KIRREL2: variants seen among roughly 807,000 people sequenced by gnomAD.
KIRREL2 encodes the protein kin of IRRE-like protein 2.
In KIRREL2, 56 loss-of-function variants were observed where a neutral mutation model predicts 73.4. The observed-to-expected ratio is 0.76, with a 90% confidence interval of 0.62 to 0.95. KIRREL2 has a LOEUF of 0.95. Among genes scored for constraint, KIRREL2 ranks in the 40% least tolerant of loss-of-function variants. The probability of loss-of-function intolerance (pLI) is 0.00; values close to 1 mark genes in which losing one functional copy is unlikely to be tolerated. For missense variants in KIRREL2, 896 were observed against 935.0 expected (o/e 0.96, Z 0.54); for synonymous variants, 407 against 404.0 (o/e 1.01, Z -0.09).
intron 2 of KIRREL2, 43 bp from the exon 3 acceptor site, chr19:35,858,365 T>C (rs1032238767): frequency 6.3e-7 from 1 of 1,595,446 alleles, no homozygotes. Context: ...GAGGCCAGGA[T>C]TTCAGAACCA....
rs1973621463 is a variant in KIRREL2, at chr19:35,860,549, G to A, written c.810G>A (p.Gly270=). The part of the protein sequence containing the change: ...RWAKGGSPVL[G]ARGPRLEVVA... ...CAAAAGGGGGCTCTCCGGTGCTCGG[G>A]GCCCGCGGGCCAAGGTTAGAGGTCG... Residue 270 remains glycine (G), a synonymous_variant, in exon 7 of 15, where the codon GGG becomes GGA. Coordinates refer to ENST00000360202, the MANE Select transcript of KIRREL2 (RefSeq NM_199180.4). 6.2e-7 allele frequency: 1 copy of A among 1,603,070 alleles called. No homozygotes were observed. The highest frequency in any genetic ancestry group is 1.3e-5 in the African/African-American group (1 of 74,922).
chr19:35,856,947 G>A lies in KIRREL2; in HGVS notation c.-173G>A. The A allele has an allele frequency of 1.4e-6, 1 of 728,170 alleles. No homozygotes were observed. The highest frequency in any genetic ancestry group is 2.5e-6 in the Non-Finnish European group (1 of 404,926). The allele number at this position is 728,170 out of a possible 1,614,324, so 45.1% of individuals were successfully genotyped here. A position where few individuals can be genotyped will look rare whatever the true frequency, so the allele number is the denominator to read the frequency against. On this transcript the variant is annotated 5_prime_UTR_variant, in exon 1 of 15. Coordinates refer to ENST00000360202, the MANE Select transcript of KIRREL2 (RefSeq NM_199180.4). The surrounding 1 kb of genome is among the most constrained non-coding windows in gnomAD (Gnocchi z 5.9). ...CCGCGGAACTGGCAGGCGTTTCAGA[G>A]CGTCAGAGGCTGCGGATGAGCAGAC...
chr19:35,852,598 C>T (rs73928332), upstream of KIRREL2, among the ~76,000 whole-genome samples: 13,311 of 151,990 alleles, frequency 0.088, 1,134 homozygotes, highest in African/African-American at 0.23. Flanking sequence ...AGCATAAAAT[C>T]CCCTGTCAGC....
intron 13 of KIRREL2, among the ~76,000 whole-genome samples, chr19:35,863,450 A>C (rs947406114): frequency 8.8e-6 from 1 of 113,784 alleles, no homozygotes; most frequent in South Asian, 2.7e-4. Context: ...TTTATGTAGG[A>C]GGGCTCTAGT....
At chr19:35,858,321 T>G in intron 2 of KIRREL2, 87 bp from the exon 3 acceptor site, 1 of 1,502,796 alleles carries the variant, frequency 6.7e-7, no homozygotes, top group Non-Finnish European at 9.1e-7. Context: ...TGTGGGCCAG[T>G]TTTCTGGTGG....
rs1009608790 is a variant in KIRREL2 at position 35,866,847 on chromosome 19, C to T, written c.*355C>T. On this transcript the variant is annotated 3_prime_UTR_variant, in exon 15 of 15. Coordinates refer to ENST00000360202, the MANE Select transcript of KIRREL2 (RefSeq NM_199180.4). ...CTGAAAGAAGATATTTCAAGATGAC[C>T]ATCTGCATTGAGAGGAAAGGTAGCA... is the stretch of plus-strand genomic sequence containing the variant. The T allele has an allele frequency of 8.2e-5, 33 of 403,256 alleles. No individual in the cohort carries two copies. Among genetic ancestry groups the T allele is most frequent in the Middle Eastern group, 6.8e-4 (1 of 1,464 alleles). The allele number at this position is 403,256 out of a possible 1,614,324, so 25.0% of individuals were successfully genotyped here.
upstream of KIRREL2, among the ~76,000 whole-genome samples, chr19:35,854,945 G>A (rs543088180): frequency 6.6e-6 from 1 of 152,020 alleles, no homozygotes; most frequent in Non-Finnish European, 1.5e-5. Context: ...TGCCCTCCCC[G>A]CGTGCACATA....
At chr19:35,853,837 A>AT (rs759219505), upstream of KIRREL2, among the ~76,000 whole-genome samples, 2,863 of 69,432 alleles carry the variant, frequency 0.041, 204 homozygotes, top group African/African-American at 0.062. Flanking sequence ...CACTCTGGCT[A>AT]TTTTTTTTTT....
chr19:35,854,983 C>T (rs1007962725), upstream of KIRREL2, among the ~76,000 whole-genome samples: 3 of 152,168 alleles, frequency 2.0e-5, no homozygotes, highest in African/African-American at 4.8e-5. Context: ...CTTCTTCTGC[C>T]TGCTTATCTC....
In KIRREL2 at chr19:35,860,967, T is replaced by C; in HGVS notation, c.987T>C (p.Ala329=). Residue 329 remains alanine (A), a synonymous_variant, in exon 8 of 15, where the codon GCT becomes GCC. Coordinates refer to ENST00000360202, the MANE Select transcript of KIRREL2 (RefSeq NM_199180.4). ...TGTCCGTGGACGTGGGGGAAGACGC[T>C]TCCTTCAGCTGCGCCTGGCGCGGGA... The part of the protein sequence containing the change: ...EPVSVDVGED[A]SFSCAWRGNP... The C allele has an allele frequency of 6.2e-7, 1 of 1,613,876 alleles. No individual in the cohort carries two copies. The highest frequency in any genetic ancestry group is 1.3e-5 in the African/African-American group (1 of 75,056).
Position 35,860,542 on chromosome 19 carries a change from T to G in KIRREL2, c.803T>G (p.Val268Gly). The change falls in exon 7 of 15, where the codon GTG becomes GGG. Residue 268 changes from valine to glycine, a missense_variant. Transcript: ENST00000360202. ...GYRWAKGGSP[V>G]LGARGPRLEV... ...AGGTGGGCAAAAGGGGGCTCTCCGG[T>G]GCTCGGGGCCCGCGGGCCAAGGTTA... 1 of 1,603,166 alleles carries G rather than the reference T, an allele frequency of 6.2e-7. No individual in the cohort carries two copies. The highest frequency in any genetic ancestry group is 8.5e-7 in the Non-Finnish European group (1 of 1,179,932).
intron 13 of KIRREL2, among the ~76,000 whole-genome samples, chr19:35,863,615 A>G (rs971584387): frequency 3.3e-5 from 5 of 150,394 alleles, no homozygotes; most frequent in African/African-American, 1.2e-4. Context: ...ACCACGCCTG[A>G]CTGATTTTGT....
At chr19:35,861,731 C>G in intron 10 of KIRREL2, 74 bp from the exon 11 acceptor site, 1 of 1,586,338 alleles carries the variant, frequency 6.3e-7, no homozygotes, top group Non-Finnish European at 8.6e-7. Context: ...CCATTTCTGA[C>G]TTCCCAGACA....
chr19:35,856,138 C>A (rs1973412747), upstream of KIRREL2, among the ~76,000 whole-genome samples: 1 of 152,240 alleles, frequency 6.6e-6, no homozygotes, highest in Non-Finnish European at 1.5e-5. The surrounding 1 kb of genome is among the most constrained non-coding windows in gnomAD (Gnocchi z 5.9). Flanking sequence ...TCCCTCCCAC[C>A]TGCTCGGCCA....
At chr19:35,851,821 G>C (rs150180768), upstream of KIRREL2, 3 of 1,551,944 alleles carry the variant, frequency 1.9e-6, no homozygotes, top group African/African-American at 4.1e-5. Flanking sequence ...AGCCCTGAGC[G>C]TCGTCCCCAG....
chr19:35,860,531 G>A lies in KIRREL2; in HGVS notation c.792G>A (p.Gly264=), dbSNP rs1973619668. 1 of 1,602,996 alleles carries A rather than the reference G, an allele frequency of 6.2e-7. No individual in the cohort carries two copies. The highest frequency in any genetic ancestry group is 1.1e-5 in the South Asian group (1 of 91,078). The change falls in exon 7 of 15, where the codon GGG becomes GGA. Residue 264 remains glycine (G), a synonymous_variant. Coordinates refer to ENST00000360202, the MANE Select transcript of KIRREL2 (RefSeq NM_199180.4). ...PPVTGYRWAK[G]GSPVLGARGP... is the part of the protein sequence containing the mutation. Reference sequence around the variant, plus strand: ...ACCATTTCCTCAGGTGGGCAAAAGGGGGCTCTCCGGTGCTCGGGGCCCGCG... The same window carrying A: ...ACCATTTCCTCAGGTGGGCAAAAGGAGGCTCTCCGGTGCTCGGGGCCCGCG...
rs187468812 is a variant in KIRREL2 at position 35,860,959 on chromosome 19, G to C, written c.979G>C (p.Glu327Gln). ...KPEPVSVDVG[E>Q]DASFSCAWRG... ...GGAGCCCGTGTCCGTGGACGTGGGG[G>C]AAGACGCTTCCTTCAGCTGCGCCTG... The change falls in exon 8 of 15, where the codon GAA becomes CAA. Residue 327 changes from glutamate to glutamine, a missense_variant. Physicochemically the swap from Glu to Gln is conservative, Grantham distance 29 (BLOSUM62 2). Transcript: ENST00000360202. 1 of 1,613,992 alleles carries C rather than the reference G, an allele frequency of 6.2e-7. No homozygotes were observed. The highest frequency in any genetic ancestry group is 1.1e-5 in the South Asian group (1 of 91,084).
intron 1 of KIRREL2, 47 bp from the exon 2 acceptor site, chr19:35,857,298 G>A (rs1268688646): frequency 6.2e-7 from 1 of 1,610,462 alleles, no homozygotes; most frequent in Admixed American, 1.7e-5. Context: ...GAATGAGGAG[G>A]CCCCTGAAGG....
upstream of KIRREL2, among the ~76,000 whole-genome samples, chr19:35,854,973 C>T (rs1185227116): frequency 2.6e-5 from 4 of 152,130 alleles, no homozygotes; most frequent in African/African-American, 4.8e-5. Context: ...CTGGGATAAG[C>T]TTCTTCTGCC....
Sources: allele counts gnomAD v4.1 joint callset (sites outside exome capture counted in the v4.1 genomes callset), GRCh38; gene constraint gnomAD v4.1.1; non-coding constraint Gnocchi (gnomAD v3.1); transcripts MANE v1.5; gene names NCBI Gene and HGNC (gene_info 2026-07-23, HGNC 2026-07-21).